Variants in CALN1 observed in about 807,000 individuals in gnomAD.
CALN1 encodes calneuron 1.
A neutral mutation model predicts 30.6 loss-of-function variants in CALN1; 17 were observed. The ratio of observed to expected loss-of-function variants is 0.56; its 90% CI spans 0.38 to 0.83. The LOEUF (loss-of-function observed/expected upper bound fraction) is 0.83. Among genes scored for constraint, CALN1 ranks in the 40% least tolerant of loss-of-function variants. The pLI is 0.00. For missense variants in CALN1, 291 were observed against 354.9 expected, an observed-to-expected ratio of 0.82 and a Z score of 1.45; for synonymous variants, 156 against 131.4, an observed-to-expected ratio of 1.19 and a Z score of -1.28.
At chr7:72,408,956 G>GT (rs1264351864) in intron 1 of CALN1, among the ~76,000 whole-genome samples, 4 of 151,944 alleles carry the variant, frequency 2.6e-5, no homozygotes, top group Non-Finnish European at 5.9e-5. Context: ...GGGATTGCAG[G>GT]TGTGAGCCAC....
chr7:72,294,744 AAAAAGT>A (rs1798732802), intron 2 of CALN1, among the ~76,000 whole-genome samples: 1 of 134,908 alleles, frequency 7.4e-6, no homozygotes, highest in Non-Finnish European at 1.6e-5. Context: ...ACTGTCTCTA[AAAAAGT>A]AATAAATAAA....
chr7:72,325,776 C>A (rs1801232735), intron 2 of CALN1, among the ~76,000 whole-genome samples: 1 of 152,130 alleles, frequency 6.6e-6, no homozygotes, highest in Non-Finnish European at 1.5e-5. Context: ...GTGACCTGCT[C>A]CCACCAAGTG....
Position 71,949,769 on chromosome 7 carries a change from C to CT in CALN1, c.501+73887dup, listed in dbSNP as rs374047723. ...GCTCCCAACCTGTGGAGTGTACTTT[C>CT]TTTTTTTTTTGAGATGGAGTCTCGC... On this transcript the variant is annotated intron_variant, in intron 5 of 6. Coordinates refer to ENST00000395275, the MANE Select transcript of CALN1 (RefSeq NM_031468.4). 1.1e-3 allele frequency among the ~76,000 whole-genome samples: 164 copies of CT among 146,274 alleles called. 1 individual carries two copies. The highest frequency in any genetic ancestry group is 3.9e-3 in the Middle Eastern group (1 of 258).
chr7:72,483,301 T>TTTTTTTTTTTTTC, the CALN1 span, among the ~76,000 whole-genome samples: 1 of 124,288 alleles, frequency 8.0e-6, no homozygotes, highest in Non-Finnish European at 1.7e-5. Context: ...TTTTTTTTTT[T>TTTTTTTTTTTTTC]TGAGACAAAG....
chr7:72,191,061 G>A (rs549869560), intron 3 of CALN1, among the ~76,000 whole-genome samples: 19 of 152,294 alleles, frequency 1.2e-4, no homozygotes, highest in South Asian at 1.2e-3. Flanking sequence ...TGGCCAAGAC[G>A]TAGTTACTGC....
chr7:71,789,373 G>A (rs949435075), intron 6 of CALN1, among the ~76,000 whole-genome samples: 12 of 152,106 alleles, frequency 7.9e-5, no homozygotes, highest in African/African-American at 2.7e-4. Context: ...GCTGAGATCA[G>A]GCTACTGTGC....
At chr7:72,401,000 G>A (rs960610822) in intron 2 of CALN1, among the ~76,000 whole-genome samples, 2 of 152,158 alleles carry the variant, frequency 1.3e-5, no homozygotes, top group African/African-American at 4.8e-5. Flanking sequence ...TCAGGCCACT[G>A]CAGCGAGGAA....
chr7:72,068,297 G>C (rs1804162423), intron 4 of CALN1, among the ~76,000 whole-genome samples: 1 of 152,152 alleles, frequency 6.6e-6, no homozygotes, highest in Non-Finnish European at 1.5e-5. Context: ...CTTAATTTTA[G>C]ATGAGAAATA....
At chr7:71,948,414 T>C (rs776980553) in intron 5 of CALN1, among the ~76,000 whole-genome samples, 21 of 152,092 alleles carry the variant, frequency 1.4e-4, no homozygotes, top group Non-Finnish European at 2.9e-4. Context: ...TCATCATACA[T>C]GTGACACTGA....
intron 6 of CALN1, among the ~76,000 whole-genome samples, chr7:71,795,553 G>A (rs1033255011): frequency 5.0e-4 from 76 of 152,178 alleles, no homozygotes; most frequent in Non-Finnish European, 8.4e-4. Flanking sequence ...GCGAGATTGC[G>A]CAACCATCAC....
intron 5 of CALN1, among the ~76,000 whole-genome samples, chr7:71,837,806 C>T (rs983309364): frequency 4.6e-5 from 7 of 151,840 alleles, no homozygotes; most frequent in Non-Finnish European, 8.8e-5. Flanking sequence ...ATGGAAATGA[C>T]GTGGTGATGG....
intron 3 of CALN1, among the ~76,000 whole-genome samples, chr7:72,178,613 C>T (rs1290966722): frequency 6.6e-6 from 1 of 151,486 alleles, no homozygotes; most frequent in East Asian, 1.9e-4. Context: ...CATTTGAACT[C>T]GGGAGGCGGA....
intron 5 of CALN1, among the ~76,000 whole-genome samples, chr7:71,893,701 A>G (rs1013134350): frequency 7.8e-5 from 11 of 141,104 alleles, no homozygotes; most frequent in Admixed American, 2.8e-4. Flanking sequence ...GAATACAAAG[A>G]AAAAAAAAAA....
the CALN1 span, among the ~76,000 whole-genome samples, chr7:72,501,908 C>CAAAA: frequency 0.15 from 3,671 of 24,660 alleles, 622 homozygotes; most frequent in Non-Finnish European, 0.17. Context: ...GATTTCGTCT[C>CAAAA]AAAAAAAAAA....
chr7:72,243,360 C>A (rs1794965082), intron 3 of CALN1, among the ~76,000 whole-genome samples: 2 of 152,208 alleles, frequency 1.3e-5, no homozygotes, highest in East Asian at 3.8e-4. Context: ...ATTTAAGCCA[C>A]CCAACTGATG....
intron 5 of CALN1, among the ~76,000 whole-genome samples, chr7:71,812,894 C>A (rs117779752): frequency 0.011 from 1,642 of 150,584 alleles, 59 homozygotes; most frequent in Admixed American, 0.074. Flanking sequence ...CAGACATGCA[C>A]CACCATGTCC....
At chr7:72,335,812 C>G (rs1306663212) in intron 2 of CALN1, among the ~76,000 whole-genome samples, 1 of 152,134 alleles carries the variant, frequency 6.6e-6, no homozygotes, top group Non-Finnish European at 1.5e-5. Context: ...AAGCCGATCC[C>G]CTCGGTGCAC....
At chr7:71,978,681 A>G (rs1313370798) in intron 5 of CALN1, among the ~76,000 whole-genome samples, 1 of 152,112 alleles carries the variant, frequency 6.6e-6, no homozygotes, top group Non-Finnish European at 1.5e-5. Flanking sequence ...TGGTCCTATT[A>G]CTTCCCATTG....
chr7:72,423,240 A>G (rs1807676400), intron 1 of CALN1, among the ~76,000 whole-genome samples: 1 of 151,828 alleles, frequency 6.6e-6, no homozygotes, highest in African/African-American at 2.4e-5. Context: ...TTTTGTCTTT[A>G]TTCCTTCTGA....
Sources: allele counts gnomAD v4.1 joint callset (sites outside exome capture counted in the v4.1 genomes callset), GRCh38; gene constraint gnomAD v4.1.1; transcripts MANE v1.5; gene names NCBI Gene and HGNC (gene_info 2026-07-23, HGNC 2026-07-21).